XRN2: variants seen among roughly 807,000 people sequenced by gnomAD.
The protein encoded by XRN2 is DHM1-like protein.
In XRN2, 44 loss-of-function variants were observed where a neutral mutation model predicts 138.5. That is an observed-to-expected ratio of 0.32 (90% CI 0.25 to 0.41). XRN2 has a LOEUF of 0.41. Ranked by LOEUF, XRN2 falls within the 10% of genes least tolerant of loss-of-function variation. The pLI is 1.00. For synonymous variants in XRN2, 354 were observed against 369.4 expected, an observed-to-expected ratio of 0.96 and a Z score of 0.48; for missense variants, 937 against 1,169.3, an observed-to-expected ratio of 0.80 and a Z score of 2.90.
intron 1 of XRN2, among the ~76,000 whole-genome samples, chr20:21,323,496 G>GCAACAC (rs2038077148): frequency 1.3e-5 from 2 of 152,116 alleles, no homozygotes; most frequent in African/African-American, 4.8e-5. Context: ...GAAACGTGTT[G>GCAACAC]GTATAGCATT....
Position 21,344,124 on chromosome 20 carries a change from C to A in XRN2, c.1445C>A (p.Ser482Tyr). Residue 482 changes from serine (S) to tyrosine (Y), a missense_variant, in exon 16 of 30, where the codon TCT becomes TAT. Ser to Tyr is a moderately radical substitution (Grantham distance 144, BLOSUM62 -2). Coordinates refer to ENST00000377191, the MANE Select transcript of XRN2 (RefSeq NM_012255.5). ...PSISPNTSFT[S>Y]DGSPSPLGGI... ...ATATCTCCTAATACGAGTTTCACAT[C>A]TGATGGCTCCCCGTCTCCATTAGGA... 1 of 1,613,208 alleles carries A rather than the reference C, an allele frequency of 6.2e-7. No homozygotes were observed. Among genetic ancestry groups the A allele is most frequent in the South Asian group, 1.1e-5 (1 of 91,016 alleles).
intron 27 of XRN2, among the ~76,000 whole-genome samples, chr20:21,374,314 GTT>G (rs1219409099): frequency 6.6e-6 from 1 of 151,804 alleles, no homozygotes; most frequent in East Asian, 1.9e-4. Flanking sequence ...TTTTTTGTTT[GTT>G]TTTTGTTTTG....
At chr20:21,383,651 C>T (rs144493869) in intron 28 of XRN2, among the ~76,000 whole-genome samples, 36 of 152,288 alleles carry the variant, frequency 2.4e-4, no homozygotes, top group Non-Finnish European at 3.7e-4. Context: ...TCTGTTTCCA[C>T]TTCTAAGGCC....
chr20:21,336,628 A>C (rs1410964819), intron 13 of XRN2, among the ~76,000 whole-genome samples: 2 of 152,200 alleles, frequency 1.3e-5, no homozygotes, highest in Admixed American at 6.5e-5. Context: ...AGTGCTAGTG[A>C]TACAGCAAAA....
Position 21,368,380 on chromosome 20 carries a change from G to A in XRN2, c.2457-83G>A, listed in dbSNP as rs112488877. 3.9e-5 allele frequency: 60 copies of A among 1,535,938 alleles called. No homozygotes were observed. The African/African-American group carries it at 7.6e-4, about 19-fold the overall frequency. On this transcript the variant is annotated intron_variant, in intron 26 of 29. Transcript: ENST00000377191. ...TCTGTTAGTGAAGACGTGGCTATGAGCATTTGTTTTATTTGTGTCAGCTGT... is the reference window on the plus strand; with the variant it reads ...TCTGTTAGTGAAGACGTGGCTATGAACATTTGTTTTATTTGTGTCAGCTGT...
At chr20:21,367,420 C>A (rs1368140408) in intron 26 of XRN2, among the ~76,000 whole-genome samples, 4 of 151,916 alleles carry the variant, frequency 2.6e-5, no homozygotes, top group Non-Finnish European at 4.4e-5. Context: ...AGAAGGTCAC[C>A]ATCAACATGT....
At chr20:21,358,990 G>A (rs1044095025) in intron 24 of XRN2, among the ~76,000 whole-genome samples, 5 of 152,166 alleles carry the variant, frequency 3.3e-5, no homozygotes, top group Admixed American at 1.3e-4. Context: ...TCTTTGGATT[G>A]TCACATGTTT....
chr20:21,375,124 T>C (rs974215121), intron 27 of XRN2, among the ~76,000 whole-genome samples: 1 of 149,300 alleles, frequency 6.7e-6, no homozygotes, highest in Non-Finnish European at 1.5e-5. Context: ...CAAAATTAAG[T>C]GCTGATACTG....
chr20:21,353,262 A>C (rs899598826), intron 20 of XRN2, among the ~76,000 whole-genome samples: 16 of 12,754 alleles, frequency 1.3e-3, no homozygotes, highest in African/African-American at 1.2e-3. Flanking sequence ...ATATATATAT[A>C]TATCTCTTAA....
At chr20:21,368,659 T>A (rs1051308109) in intron 27 of XRN2, 69 bp downstream of exon 27, 2 of 1,579,600 alleles carry the variant, frequency 1.3e-6, no homozygotes, top group Non-Finnish European at 1.7e-6. Context: ...GTTTCTAATC[T>A]TCTTTGCTGA....
chr20:21,341,853 T>C (rs1214369674), intron 15 of XRN2, among the ~76,000 whole-genome samples: 1 of 150,628 alleles, frequency 6.6e-6, no homozygotes, highest in Non-Finnish European at 1.5e-5. Flanking sequence ...GTAGAGTACT[T>C]TTTTTTTTAA....
intron 1 of XRN2, chr20:21,303,865 G>T (rs1185134162): frequency 2.0e-6 from 2 of 985,268 alleles, no homozygotes; most frequent in African/African-American, 1.7e-5. Context: ...GAGCTAGCGG[G>T]TTATGGATGC....
chr20:21,357,079 C>T (rs944482616), intron 23 of XRN2, among the ~76,000 whole-genome samples: 1 of 151,954 alleles, frequency 6.6e-6, no homozygotes, highest in Middle Eastern at 3.2e-3. Flanking sequence ...ACAATGACAT[C>T]GTTTTGCTTT....
chr20:21,384,495 T>C (rs748343538), intron 28 of XRN2, among the ~76,000 whole-genome samples: 5 of 152,240 alleles, frequency 3.3e-5, no homozygotes, highest in African/African-American at 9.6e-5. Context: ...ACTTCTTTTA[T>C]TGATTTATTG....
At position 21,381,974 on chromosome 20, in the gene XRN2, C is replaced by G. The variant is rs1210110308; in HGVS notation, c.2585-20C>G. The G allele has an allele frequency of 1.9e-6, 3 of 1,596,188 alleles. No homozygotes were observed. Among genetic ancestry groups the G allele is most frequent in the Middle Eastern group, 3.4e-4 (2 of 5,966 alleles). ...GTTACTTTTAAAAATCTTCTTAACC[C>G]TTTCCTGTTTCTTTTTCAGATATGA... On this transcript the variant is annotated intron_variant, in intron 27 of 29. Transcript: ENST00000377191.
chr20:21,334,125 G>T lies in XRN2; in HGVS notation c.1173G>T (p.Met391Ile). Reference sequence around the variant, plus strand: ...ATGTCAATCTGCAAAGAGTACAGATGATCATGTTAGCAGTTGGTGAAGTTG... The same window carrying T: ...ATGTCAATCTGCAAAGAGTACAGATTATCATGTTAGCAGTTGGTGAAGTTG... ...SGYVNLQRVQMIMLAVGEVED... is the reference protein window; with the variant it reads ...SGYVNLQRVQIIMLAVGEVED... The change falls in exon 13 of 30, where the codon ATG (methionine) becomes ATT (isoleucine). Residue 391 changes from methionine to isoleucine, a missense_variant. By Grantham distance (10) the Met-to-Ile change is conservative (BLOSUM62 1). This residue lies in a region of XRN2 where 471 missense variants were observed against 581.2 expected (regional missense o/e 0.81). Coordinates refer to ENST00000377191, the MANE Select transcript of XRN2 (RefSeq NM_012255.5). The T allele has an allele frequency of 1.2e-6, 2 of 1,613,942 alleles. No homozygotes were observed. Among genetic ancestry groups the T allele is most frequent in the South Asian group, 2.2e-5 (2 of 91,004 alleles).
At chr20:21,326,712 A>T in intron 3 of XRN2, 111 bp downstream of exon 3, 1 of 827,322 alleles carries the variant, frequency 1.2e-6, no homozygotes. Flanking sequence ...GATGAACTTG[A>T]GAAAGAAAGC....
In XRN2 at chr20:21,331,831, T is replaced by A; in HGVS notation, c.700+13T>A. 1 of 1,611,598 alleles carries A rather than the reference T, an allele frequency of 6.2e-7. No homozygotes were observed. Among genetic ancestry groups the A allele is most frequent in the Non-Finnish European group, 8.5e-7 (1 of 1,179,376 alleles). On this transcript the variant is annotated intron_variant, in intron 8 of 29. Transcript: ENST00000377191. The stretch of plus-strand genomic sequence containing the variant: ...TGTGGAGCAGATGGTAAGTTTCTTC[T>A]TTGGGATTTGCTTCTTTTGGATTAA...
At chr20:21,344,318 C>CT in intron 16 of XRN2, 110 bp downstream of exon 16, 1 of 755,600 alleles carries the variant, frequency 1.3e-6, no homozygotes, top group South Asian at 1.7e-5. Context: ...TGCCTGTGAT[C>CT]TTTTTATCCA....
Sources: gnomAD v4.1 joint callset for allele counts (sites outside exome capture counted in the v4.1 genomes callset) on GRCh38, gnomAD v4.1.1 for gene constraint, gnomAD v4.1.1 regional missense constraint, MANE v1.5 for transcripts, NCBI Gene and HGNC (gene_info 2026-07-23, HGNC 2026-07-21) for gene names.